MAL2: variants seen among roughly 807,000 people sequenced by gnomAD.
The protein encoded by MAL2 is protein MAL2.
In MAL2, 17 loss-of-function variants were observed where a neutral mutation model predicts 18.1. The ratio of observed to expected loss-of-function variants is 0.94; its 90% CI spans 0.64 to 1.41. The LOEUF is 1.41. Ranked by LOEUF, MAL2 falls within the 40% of genes most tolerant of loss-of-function variation. The pLI, the probability that MAL2 is intolerant of heterozygous loss-of-function variation, is 0.00. For missense variants in MAL2, 222 were observed against 231.9 expected (o/e 0.96, Z 0.28); for synonymous variants, 102 against 102.3 (o/e 1.00, Z 0.02).
chr8:119,214,653 A>T (rs1361697834), intron 1 of MAL2, among the ~76,000 whole-genome samples: 1 of 152,222 alleles, frequency 6.6e-6, no homozygotes, highest in Non-Finnish European at 1.5e-5. Context: ...TGAGCTTTCC[A>T]TTTTAGGGTC....
chr8:119,234,536 C>T (rs560650132), intron 2 of MAL2, among the ~76,000 whole-genome samples: 1 of 152,296 alleles, frequency 6.6e-6, no homozygotes, highest in East Asian at 1.9e-4. Context: ...ACAGCAGTAA[C>T]CTCTGCAGAC....
intron 2 of MAL2, among the ~76,000 whole-genome samples, chr8:119,222,104 A>G (rs1411017918): frequency 1.3e-5 from 2 of 152,108 alleles, no homozygotes; most frequent in Non-Finnish European, 2.9e-5. Context: ...GCATCTTGAA[A>G]TTTTCCATTA....
intron 1 of MAL2, among the ~76,000 whole-genome samples, chr8:119,220,734 A>T (rs573058769): frequency 3.7e-4 from 56 of 152,086 alleles, no homozygotes; most frequent in Non-Finnish European, 6.6e-4. Context: ...GCTTTACCCC[A>T]TAGCCCTGTG....
intron 2 of MAL2, among the ~76,000 whole-genome samples, chr8:119,235,177 G>A (rs1306814352): frequency 1.3e-5 from 2 of 152,172 alleles, no homozygotes; most frequent in African/African-American, 4.8e-5. Context: ...AGCCTCAGGA[G>A]CGAATGCGAT....
At chr8:119,241,782 A>G (rs910497133) in intron 3 of MAL2, among the ~76,000 whole-genome samples, 1 of 151,838 alleles carries the variant, frequency 6.6e-6, no homozygotes, top group African/African-American at 2.4e-5. Context: ...CATGACTTTA[A>G]CACTTGCTTA....
chr8:119,231,733 C>A (rs189503110), intron 2 of MAL2, among the ~76,000 whole-genome samples: 96 of 152,200 alleles, frequency 6.3e-4, no homozygotes, highest in African/African-American at 2.2e-3. Flanking sequence ...TATATATTCA[C>A]AATACTAATT....
chr8:119,230,254 T>C (rs1207534962), intron 2 of MAL2, among the ~76,000 whole-genome samples: 1 of 152,164 alleles, frequency 6.6e-6, no homozygotes, highest in Non-Finnish European at 1.5e-5. Context: ...ACCAAGAGTA[T>C]ATATGACCCT....
Position 119,221,766 on chromosome 8 carries a change from T to A in MAL2, c.303+9T>A. On this transcript the variant is annotated intron_variant, in intron 2 of 3. Coordinates refer to ENST00000614891, the MANE Select transcript of MAL2 (RefSeq NM_052886.3). ...CTAACTGGAACTTCCTGGTAAGGAC[T>A]TTTTATTTTAAGTCTATTGCAGGAA... is the stretch of plus-strand genomic sequence containing the variant. 6.2e-7 allele frequency: 1 copy of A among 1,612,692 alleles called. No individual in the cohort carries two copies. Among genetic ancestry groups the A allele is most frequent in the Non-Finnish European group, 8.5e-7 (1 of 1,179,202 alleles).
At position 119,244,607 on chromosome 8, in the gene MAL2, T is replaced by G. The variant is rs1818114529; in HGVS notation, c.*1119T>G. 1 of 152,126 alleles carries G rather than the reference T, an allele frequency of 6.6e-6. No homozygotes were observed. Among genetic ancestry groups the G allele is most frequent in the Admixed American group, 6.6e-5 (1 of 15,260 alleles). The allele number at this position is 152,126 out of a possible 1,614,324, so 9.4% of individuals were successfully genotyped here. On this transcript the variant is annotated 3_prime_UTR_variant, in exon 4 of 4. Transcript: ENST00000614891. ...AATAGAGCTCTCAGAAGAATTAAGT[T>G]TTTACTTCTAATTATTTTGCATTAC...
intron 1 of MAL2, among the ~76,000 whole-genome samples, chr8:119,219,618 G>A (rs1168835364): frequency 2.0e-5 from 3 of 152,052 alleles, no homozygotes; most frequent in Non-Finnish European, 4.4e-5. Flanking sequence ...TGTCTTCAGG[G>A]CAGGTATGTA....
At position 119,243,524 on chromosome 8, in the gene MAL2, A is replaced by T; in HGVS notation, c.*36A>T. The stretch of plus-strand genomic sequence containing the variant: ...AAACTGGCAGTCGTATGTTAGTTTC[A>T]CTTGTCTACTTTATATGTCTGATCA... On this transcript the variant is annotated 3_prime_UTR_variant, in exon 4 of 4. Transcript: ENST00000614891. 1.3e-6 allele frequency: 2 copies of T among 1,531,332 alleles called. No homozygotes were observed. The highest frequency in any genetic ancestry group is 1.8e-6 in the Non-Finnish European group (2 of 1,130,668). The allele number at this position is 1,531,332 out of a possible 1,614,324, so 94.9% of individuals were successfully genotyped here. A position where few individuals can be genotyped will look rare whatever the true frequency, so the allele number is the denominator to read the frequency against.
intron 2 of MAL2, among the ~76,000 whole-genome samples, chr8:119,236,288 A>C (rs1306517407): frequency 7.1e-6 from 1 of 141,592 alleles, no homozygotes; most frequent in Admixed American, 7.0e-5. Context: ...ACCCAGATTC[A>C]TAAAGCAAGT....
chr8:119,226,282 T>G (rs1286257692), intron 2 of MAL2, among the ~76,000 whole-genome samples: 1 of 152,170 alleles, frequency 6.6e-6, no homozygotes, highest in Non-Finnish European at 1.5e-5. Context: ...GTCTAACATT[T>G]AAGTCTTCAA....
chr8:119,212,129 A>G (rs1328504358), intron 1 of MAL2, among the ~76,000 whole-genome samples: 1 of 152,182 alleles, frequency 6.6e-6, no homozygotes, highest in Non-Finnish European at 1.5e-5. Flanking sequence ...GGGTCTATCT[A>G]CTTTAAAAAA....
chr8:119,225,947 A>G (rs1374087521), intron 2 of MAL2, among the ~76,000 whole-genome samples: 3 of 151,982 alleles, frequency 2.0e-5, no homozygotes, highest in Non-Finnish European at 2.9e-5. Flanking sequence ...CATATCCTTC[A>G]CCCACTTTTT....
At chr8:119,228,427 T>C (rs1210704379) in intron 2 of MAL2, among the ~76,000 whole-genome samples, 1 of 152,146 alleles carries the variant, frequency 6.6e-6, no homozygotes, top group South Asian at 2.1e-4. Context: ...CCCCTAAGTT[T>C]CCATTCTTCC....
Position 119,221,647 on chromosome 8 carries a change from C to T in MAL2, c.193C>T (p.Gln65Ter), listed in dbSNP as rs1245003631. Residue 65 changes from glutamine (Q) to a stop codon, truncating the protein, a stop_gained, in exon 2 of 4, where the codon CAA becomes TAA. Coordinates refer to ENST00000614891, the MANE Select transcript of MAL2 (RefSeq NM_052886.3). LOFTEE classifies it high-confidence loss of function. ...CTCCAATGTTCCTCTACCTCTACTACAAGGATGGGTCATGTTTGTGTCCGT... is the reference window on the plus strand; with the variant it reads ...CTCCAATGTTCCTCTACCTCTACTATAAGGATGGGTCATGTTTGTGTCCGT... Reference protein sequence around the residue: ...ASSNVPLPLLQGWVMFVSVTA... With the variant: ...ASSNVPLPLL 1.2e-6 allele frequency: 2 copies of T among 1,613,938 alleles called. No homozygotes were observed. Among genetic ancestry groups the T allele is most frequent in the Non-Finnish European group, 1.7e-6 (2 of 1,179,856 alleles).
chr8:119,230,066 G>A (rs1202057269), intron 2 of MAL2, among the ~76,000 whole-genome samples: 1 of 152,122 alleles, frequency 6.6e-6, no homozygotes, highest in African/African-American at 2.4e-5. Context: ...AAGCAGTTCT[G>A]GATGCCTGGC....
intron 2 of MAL2, among the ~76,000 whole-genome samples, chr8:119,228,450 A>ATAACATGTAGG (rs1322167512): frequency 1.3e-5 from 2 of 151,392 alleles, no homozygotes; most frequent in Non-Finnish European, 3.0e-5. Context: ...TGGGGACACA[A>ATAACATGTAGG]TAACATGTAG....
Sources: gnomAD v4.1 joint callset for allele counts (sites outside exome capture counted in the v4.1 genomes callset) on GRCh38, gnomAD v4.1.1 for gene constraint, MANE v1.5 for transcripts, NCBI Gene and HGNC (gene_info 2026-07-23, HGNC 2026-07-21) for gene names.